Variants in PDHX observed in about 807,000 individuals in gnomAD.
The protein encoded by PDHX is pyruvate dehydrogenase complex component X, also known as pyruvate dehydrogenase protein X component, mitochondrial.
PDHX carries 33 observed loss-of-function variants against 55.3 expected under a neutral mutation model. The ratio of observed to expected loss-of-function variants is 0.60; its 90% CI spans 0.45 to 0.80. The LOEUF (loss-of-function observed/expected upper bound fraction) is 0.80, where lower values mean the gene tolerates loss of function less well. Among genes scored for constraint, PDHX ranks in the 30% least tolerant of loss-of-function variants. The probability of loss-of-function intolerance (pLI) is 0.00; values close to 1 mark genes in which losing one functional copy is unlikely to be tolerated. For missense variants in PDHX, 622 were observed against 619.9 expected (o/e 1.00, Z -0.04); for synonymous variants, 226 against 219.4 (o/e 1.03, Z -0.27).
intron 8 of PDHX, among the ~76,000 whole-genome samples, chr11:34,981,828 G>A (rs1374935131): frequency 6.6e-6 from 1 of 152,228 alleles, no homozygotes; most frequent in East Asian, 1.9e-4. Context: ...CATATCCCTC[G>A]CCCACTTGTT....
At chr11:34,934,369 G>A (rs1854254995) in intron 2 of PDHX, among the ~76,000 whole-genome samples, 1 of 152,096 alleles carries the variant, frequency 6.6e-6, no homozygotes, top group African/African-American at 2.4e-5. Flanking sequence ...AAGCTAGACT[G>A]AGGAATTCTG....
At chr11:34,927,809 G>A (rs901501175) in intron 1 of PDHX, among the ~76,000 whole-genome samples, 3 of 152,082 alleles carry the variant, frequency 2.0e-5, no homozygotes, top group African/African-American at 7.2e-5. Context: ...TCAAGAGATA[G>A]TATTGAATAA....
intron 9 of PDHX, 141 bp from the exon 10 acceptor site, chr11:34,992,174 A>C: frequency 1.7e-6 from 1 of 600,002 alleles, no homozygotes; most frequent in Non-Finnish European, 3.0e-6. Flanking sequence ...TTATAATTAG[A>C]GAAAATTATT....
At chr11:34,919,672 A>C (rs780243568) in intron 1 of PDHX, among the ~76,000 whole-genome samples, 2 of 152,248 alleles carry the variant, frequency 1.3e-5, no homozygotes, top group Non-Finnish European at 2.9e-5. Flanking sequence ...ATTTATATAC[A>C]TATATTAATT....
At chr11:34,939,494 T>C (rs866416792) in intron 2 of PDHX, among the ~76,000 whole-genome samples, 1 of 151,742 alleles carries the variant, frequency 6.6e-6, no homozygotes, top group Admixed American at 6.6e-5. Context: ...TGTGTGTGTG[T>C]GTGTGTGTGT....
At chr11:34,943,820 A>ATAGG (rs1467020401) in intron 2 of PDHX, among the ~76,000 whole-genome samples, 1 of 152,104 alleles carries the variant, frequency 6.6e-6, no homozygotes, top group Non-Finnish European at 1.5e-5. Flanking sequence ...CAGGCTCAGA[A>ATAGG]TAGGTGGTCA....
chr11:34,969,544 A>C (rs767038262), intron 6 of PDHX, among the ~76,000 whole-genome samples: 4 of 151,946 alleles, frequency 2.6e-5, no homozygotes, highest in Non-Finnish European at 5.9e-5. Context: ...GGGTTTCACC[A>C]TGTTGGCCAA....
chr11:34,948,573 CTTTT>C (rs34358212), intron 3 of PDHX, among the ~76,000 whole-genome samples: 4 of 135,024 alleles, frequency 3.0e-5, no homozygotes, highest in Admixed American at 7.5e-5. Context: ...TCCTCTTTTC[CTTTT>C]TTTTTTTTTT....
At chr11:34,963,320 C>T (rs1855060379) in intron 5 of PDHX, among the ~76,000 whole-genome samples, 1 of 151,968 alleles carries the variant, frequency 6.6e-6, no homozygotes, top group Admixed American at 6.6e-5. Flanking sequence ...ACTCTGTCAC[C>T]CAGGTTGGGG....
intron 2 of PDHX, among the ~76,000 whole-genome samples, chr11:34,940,800 G>A (rs1023396427): frequency 4.6e-5 from 7 of 152,122 alleles, no homozygotes; most frequent in African/African-American, 1.7e-4. Flanking sequence ...CATATAAATA[G>A]AAGCATGTAA....
chr11:34,958,851 C>A (rs1370356751), intron 4 of PDHX, among the ~76,000 whole-genome samples: 2 of 152,086 alleles, frequency 1.3e-5, no homozygotes, highest in East Asian at 1.9e-4. Flanking sequence ...GACCTGTGAA[C>A]TCTGCATACT....
chr11:34,943,810 C>G (rs533493687), intron 2 of PDHX, among the ~76,000 whole-genome samples: 14 of 152,284 alleles, frequency 9.2e-5, no homozygotes, highest in Admixed American at 7.8e-4. Flanking sequence ...CTCACCTCTT[C>G]AGGCTCAGAA....
intron 1 of PDHX, among the ~76,000 whole-genome samples, chr11:34,926,670 A>T (rs1410514941): frequency 5.3e-5 from 8 of 151,642 alleles, no homozygotes; most frequent in Admixed American, 2.6e-4. Flanking sequence ...CTTGTATTAA[A>T]TTTTTTTTTT....
At position 34,947,566 on chromosome 11, in the gene PDHX, C is replaced by T. The variant is rs61752924; in HGVS notation, c.302C>T (p.Thr101Ile). Residue 101 changes from threonine to isoleucine, a missense_variant, in exon 3 of 11, where the codon ACC becomes ATC. By Grantham distance (89) the Thr-to-Ile change is moderately conservative. Transcript: ENST00000227868. ...CEIETDKAVV[T>I]LDASDDGILA... ...ATTGAGACTGACAAAGCTGTGGTTA[C>T]CTTAGATGCAAGTGATGATGGAATC... 127 of 1,612,930 alleles carry T rather than the reference C, an allele frequency of 7.9e-5. 1 individual carries two copies. Among genetic ancestry groups the T allele is most frequent in the East Asian group, 4.5e-5 (2 of 44,814 alleles).
chr11:34,940,281 T>G (rs1854442317), intron 2 of PDHX, among the ~76,000 whole-genome samples: 1 of 152,222 alleles, frequency 6.6e-6, no homozygotes, highest in South Asian at 2.1e-4. Context: ...CCTTATGTCA[T>G]GAGACAAGGG....
intron 5 of PDHX, among the ~76,000 whole-genome samples, chr11:34,965,877 A>G (rs1855119551): frequency 6.6e-6 from 1 of 152,202 alleles, no homozygotes; most frequent in Non-Finnish European, 1.5e-5. Flanking sequence ...ACTTTCCAAA[A>G]TACTTATTGG....
intron 9 of PDHX, among the ~76,000 whole-genome samples, chr11:34,986,443 G>A (rs1437238446): frequency 6.6e-6 from 1 of 152,058 alleles, no homozygotes; most frequent in Non-Finnish European, 1.5e-5. Flanking sequence ...GAATATTTGT[G>A]TCTGTGTTTT....
At chr11:34,971,518 C>CA (rs1855258156) in intron 7 of PDHX, among the ~76,000 whole-genome samples, 1 of 152,112 alleles carries the variant, frequency 6.6e-6, no homozygotes, top group South Asian at 2.1e-4. Flanking sequence ...TGAATTTTCT[C>CA]AAATACTTTT....
In PDHX at chr11:34,984,918, A is replaced by T. The variant is rs2025780; in HGVS notation, c.1182+190A>T. 0.66 allele frequency: 358,977 copies of T among 547,844 alleles called. 120,860 individuals are homozygous for T. Among genetic ancestry groups the T allele is most frequent in the East Asian group, 0.73 (23,343 of 32,104 alleles). The allele number at this position is 547,844 out of a possible 1,614,324, so 33.9% of individuals were successfully genotyped here. On this transcript the variant is annotated intron_variant, in intron 9 of 10. Transcript: ENST00000227868. Reference sequence around the variant, plus strand: ...TTTTTATCCAAGTATGACCCATTGTAAGAAAATTTAATATTCAAAAATTAA... The same window carrying T: ...TTTTTATCCAAGTATGACCCATTGTTAGAAAATTTAATATTCAAAAATTAA...
Sources: gnomAD v4.1 joint callset for allele counts (sites outside exome capture counted in the v4.1 genomes callset) on GRCh38, gnomAD v4.1.1 for gene constraint, MANE v1.5 for transcripts, NCBI Gene and HGNC (gene_info 2026-07-23, HGNC 2026-07-21) for gene names.